Variants in PRDM5 observed in about 807,000 individuals in gnomAD.
The protein encoded by PRDM5 is PR/SET domain 5.
PRDM5 carries 56 observed loss-of-function variants against 81.2 expected under a neutral mutation model. The ratio of observed to expected loss-of-function variants is 0.69; its 90% CI spans 0.56 to 0.86. PRDM5 has a LOEUF of 0.86. PRDM5 is among the 40% of genes least tolerant of loss of function. The pLI, the probability that PRDM5 is intolerant of heterozygous loss-of-function variation, is 0.00. For missense variants in PRDM5, 697 were observed against 770.1 expected (o/e 0.91, Z 1.12); for synonymous variants, 267 against 256.4 (o/e 1.04, Z -0.39).
At chr4:120,920,676 A>C (rs1320457628) in intron 1 of PRDM5, among the ~76,000 whole-genome samples, 1 of 152,232 alleles carries the variant, frequency 6.6e-6, no homozygotes, top group South Asian at 2.1e-4. Flanking sequence ...CTTGTGACTG[A>C]ATATTTTGGG....
intron 15 of PRDM5, among the ~76,000 whole-genome samples, chr4:120,707,104 T>C (rs1488495780): frequency 6.6e-6 from 1 of 151,928 alleles, no homozygotes. Flanking sequence ...GTCAGACAAA[T>C]ATGTTATGAA....
chr4:120,782,969 T>G (rs1441982714), intron 11 of PRDM5, among the ~76,000 whole-genome samples: 2 of 152,060 alleles, frequency 1.3e-5, no homozygotes, highest in Non-Finnish European at 2.9e-5. Flanking sequence ...TTTCTTTGTG[T>G]TAAATTTATC....
chr4:120,907,398 T>C, intron 2 of PRDM5, 76 bp downstream of exon 2: 12 of 1,208,372 alleles, frequency 9.9e-6, no homozygotes, highest in African/African-American at 1.5e-5. Flanking sequence ...TCAATATCAA[T>C]TAATGTAGCC....
In PRDM5 at chr4:120,692,977, A is replaced by C. The variant is rs1192146273; in HGVS notation, c.*2134T>G. The C allele has an allele frequency of 6.6e-6, 1 of 152,152 alleles. No homozygotes were observed. The highest frequency in any genetic ancestry group is 2.1e-4 in the South Asian group (1 of 4,834). The allele number at this position is 152,152 out of a possible 1,614,324, so 9.4% of individuals were successfully genotyped here. On this transcript the variant is annotated 3_prime_UTR_variant, in exon 16 of 16. Coordinates refer to ENST00000264808, the MANE Select transcript of PRDM5 (RefSeq NM_018699.4). Reference sequence around the variant, plus strand: ...AAAATTTACAGCATACAAATAGTCTACTAAGGACTTGTTTTGGTTTCAGTC... The same window carrying C: ...AAAATTTACAGCATACAAATAGTCTCCTAAGGACTTGTTTTGGTTTCAGTC...
At chr4:120,862,492 G>C (rs1760715552) in intron 2 of PRDM5, among the ~76,000 whole-genome samples, 1 of 152,174 alleles carries the variant, frequency 6.6e-6, no homozygotes, top group Non-Finnish European at 1.5e-5. Flanking sequence ...AAAAGTAAGA[G>C]AGCAGAGAAG....
intron 2 of PRDM5, among the ~76,000 whole-genome samples, chr4:120,879,909 C>T (rs1762679417): frequency 6.6e-6 from 1 of 152,016 alleles, no homozygotes; most frequent in South Asian, 2.1e-4. Flanking sequence ...AATTTGGGGG[C>T]AGTGAAACTA....
intron 15 of PRDM5, among the ~76,000 whole-genome samples, chr4:120,701,126 A>G (rs898633615): frequency 1.3e-5 from 2 of 150,298 alleles, no homozygotes; most frequent in Non-Finnish European, 2.9e-5. Context: ...CTCTGTTGCA[A>G]CAAACAAAAA....
At chr4:120,702,876 T>C (rs956392963) in intron 15 of PRDM5, among the ~76,000 whole-genome samples, 11 of 152,138 alleles carry the variant, frequency 7.2e-5, no homozygotes, top group Non-Finnish European at 1.3e-4. Context: ...CTTCAATGGC[T>C]TCTTATTAAA....
intron 2 of PRDM5, among the ~76,000 whole-genome samples, chr4:120,884,880 C>T (rs1412223578): frequency 6.6e-6 from 1 of 151,974 alleles, no homozygotes; most frequent in African/African-American, 2.4e-5. Flanking sequence ...AAAAGAAACA[C>T]TGGCCGGGCG....
chr4:120,821,100 C>T, intron 4 of PRDM5, 71 bp downstream of exon 4: 1 of 1,519,948 alleles, frequency 6.6e-7, no homozygotes, highest in African/African-American at 1.4e-5. Flanking sequence ...AACTATAATT[C>T]AACCACAGTT....
intron 2 of PRDM5, chr4:120,896,856 T>G (rs1304879879): frequency 6.6e-6 from 1 of 152,120 alleles, no homozygotes; most frequent in Non-Finnish European, 1.5e-5. Flanking sequence ...GCTAATTTTT[T>G]GTATTTTTAG....
chr4:120,850,634 C>T (rs1759152273), intron 3 of PRDM5, among the ~76,000 whole-genome samples: 1 of 152,140 alleles, frequency 6.6e-6, no homozygotes, highest in African/African-American at 2.4e-5. Flanking sequence ...CCAAAAGCCT[C>T]TCAGAGTGGC....
Position 120,781,438 on chromosome 4 carries a change from A to G in PRDM5, c.1283-135T>C, listed in dbSNP as rs528976554. 4 of 791,758 alleles carry G rather than the reference A, an allele frequency of 5.1e-6. No homozygotes were observed. The South Asian group carries it at 6.3e-5, about 12-fold the overall frequency. 49.0% of individuals were successfully genotyped at this position (791,758 alleles called of 1,614,324 possible). On this transcript the variant is annotated intron_variant, in intron 11 of 15. Coordinates refer to ENST00000264808, the MANE Select transcript of PRDM5 (RefSeq NM_018699.4). ...AGAATGTTAACTTTTTATTTTTTAC[A>G]ACAAATTCCAGTTCCATTATTTGCT...
At chr4:120,696,156 A>G (rs1734494937) in intron 15 of PRDM5, among the ~76,000 whole-genome samples, 2 of 152,094 alleles carry the variant, frequency 1.3e-5, no homozygotes, top group Admixed American at 1.3e-4. Flanking sequence ...CTAATTGGGT[A>G]AGAAGGGGGT....
chr4:120,890,264 T>C (rs892659492), intron 2 of PRDM5, among the ~76,000 whole-genome samples: 4 of 151,112 alleles, frequency 2.6e-5, no homozygotes, highest in African/African-American at 9.7e-5. Flanking sequence ...CAAGAGAGAG[T>C]AGGGGGAATT....
At chr4:120,898,993 G>A (rs542919683) in intron 2 of PRDM5, among the ~76,000 whole-genome samples, 30 of 152,202 alleles carry the variant, frequency 2.0e-4, no homozygotes, top group African/African-American at 7.0e-4. Flanking sequence ...TATGAGAAAC[G>A]AGAAGAACAT....
intron 3 of PRDM5, among the ~76,000 whole-genome samples, chr4:120,826,680 G>A (rs1046849507): frequency 2.0e-5 from 3 of 152,086 alleles, no homozygotes; most frequent in African/African-American, 7.2e-5. Flanking sequence ...ATTTACAGCT[G>A]GGAGGCTATT....
At chr4:120,687,981 GACTAATACAGAT>G (rs1733899950), downstream of PRDM5, among the ~76,000 whole-genome samples, 1 of 152,036 alleles carries the variant, frequency 6.6e-6, no homozygotes, top group African/African-American at 2.4e-5. Context: ...GCACAAAATG[GACTAATACAGAT>G]TAGTAACAAG....
intron 15 of PRDM5, among the ~76,000 whole-genome samples, chr4:120,700,956 C>A (rs1735249892): frequency 6.6e-6 from 1 of 152,082 alleles, no homozygotes; most frequent in African/African-American, 2.4e-5. Context: ...GAAACCCTGT[C>A]TCTACTACAA....
Sources: gnomAD v4.1 joint callset for allele counts (sites outside exome capture counted in the v4.1 genomes callset) on GRCh38, gnomAD v4.1.1 for gene constraint, MANE v1.5 for transcripts, NCBI Gene and HGNC (gene_info 2026-07-23, HGNC 2026-07-21) for gene names.